Variants in CDKAL1 observed in about 807,000 individuals in gnomAD.
The protein encoded by CDKAL1 is threonylcarbamoyladenosine tRNA methylthiotransferase.
Under a neutral mutation model 68.2 loss-of-function variants are expected in CDKAL1, and 32 were observed. The observed-to-expected ratio is 0.47, with a 90% CI of 0.35 to 0.63. The LOEUF is 0.63. CDKAL1 is among the 30% of genes least tolerant of loss of function. The pLI, the probability that CDKAL1 is intolerant of heterozygous loss-of-function variation, is 0.00. For synonymous variants in CDKAL1, 234 were observed against 244.3 expected (o/e 0.96, Z 0.39); for missense variants, 606 against 696.7 (o/e 0.87, Z 1.47).
At chr6:20,881,951 A>G (rs1165271276) in intron 9 of CDKAL1, among the ~76,000 whole-genome samples, 1 of 152,210 alleles carries the variant, frequency 6.6e-6, no homozygotes, top group Non-Finnish European at 1.5e-5. Flanking sequence ...TATCGCTGCA[A>G]GTACTGGCAA....
intron 5 of CDKAL1, among the ~76,000 whole-genome samples, chr6:20,661,529 T>A (rs1472505432): frequency 1.3e-5 from 2 of 152,126 alleles, no homozygotes; most frequent in Non-Finnish European, 2.9e-5. Context: ...ATGTGATGTA[T>A]GCCAGTGAGC....
chr6:20,637,068 A>G (rs1767942412), intron 4 of CDKAL1, among the ~76,000 whole-genome samples: 1 of 151,610 alleles, frequency 6.6e-6, no homozygotes, highest in Non-Finnish European at 1.5e-5. Context: ...AAGAAAAAAG[A>G]AAGGACTGTT....
intron 8 of CDKAL1, among the ~76,000 whole-genome samples, chr6:20,801,022 GTCC>G (rs1776344377): frequency 6.6e-6 from 1 of 152,172 alleles, no homozygotes; most frequent in Non-Finnish European, 1.5e-5. Flanking sequence ...GGCTCAAGCA[GTCC>G]TCCTATCTGA....
Position 20,585,101 on chromosome 6 carries a change from T to G in CDKAL1, c.286+36396T>G, listed in dbSNP as rs1355181010. Among the ~76,000 whole-genome samples, 5 of 146,670 alleles carry G rather than the reference T, an allele frequency of 3.4e-5. No homozygotes were observed. In the East Asian group the frequency reaches 6.1e-4, roughly 18 times the overall value. ...AGACGGAGTCTCGCTCTGTCGCCCA[T>G]GCTGGAGTGCAGTGACATGATCTCG... On this transcript the variant is annotated intron_variant, in intron 4 of 15. Transcript: ENST00000274695.
chr6:20,961,212 G>A (rs1373551070), intron 10 of CDKAL1, among the ~76,000 whole-genome samples: 3 of 152,078 alleles, frequency 2.0e-5, no homozygotes, highest in African/African-American at 7.3e-5. Flanking sequence ...ACAGTAGACT[G>A]GATAAAGACA....
chr6:21,229,338 G>A lies in CDKAL1; in HGVS notation c.1549-1510G>A, dbSNP rs372363918. On this transcript the variant is annotated intron_variant, in intron 15 of 15. Transcript: ENST00000274695. ...TCAAAAGTCTGTTGTTCCCTCTGCCGTCATCCTGATAGAGGTCCTCATTAT... is the reference window on the plus strand; with the variant it reads ...TCAAAAGTCTGTTGTTCCCTCTGCCATCATCCTGATAGAGGTCCTCATTAT... Among the ~76,000 whole-genome samples, 123 of 152,132 alleles carry A rather than the reference G, an allele frequency of 8.1e-4. No homozygotes were observed. In the Middle Eastern group the frequency reaches 0.01, roughly 13 times the overall value.
chr6:20,621,589 T>G (rs1767193417), intron 4 of CDKAL1, among the ~76,000 whole-genome samples: 1 of 152,174 alleles, frequency 6.6e-6, no homozygotes, highest in African/African-American at 2.4e-5. Context: ...TCTCCTGCAT[T>G]TATTAATTTA....
chr6:21,158,014 T>C (rs561003896), intron 13 of CDKAL1, among the ~76,000 whole-genome samples: 1 of 152,364 alleles, frequency 6.6e-6, no homozygotes, highest in African/African-American at 2.4e-5. Context: ...ATTCTTCACA[T>C]GCATTTGTTT....
intron 12 of CDKAL1, among the ~76,000 whole-genome samples, chr6:21,084,342 T>A (rs530021883): frequency 8.5e-5 from 13 of 152,216 alleles, no homozygotes; most frequent in Non-Finnish European, 8.8e-5. Flanking sequence ...AGGCAGAAAT[T>A]TATTTCATTG....
intron 9 of CDKAL1, among the ~76,000 whole-genome samples, chr6:20,943,941 C>T (rs990343986): frequency 2.0e-5 from 3 of 152,110 alleles, no homozygotes; most frequent in Admixed American, 2.0e-4. Flanking sequence ...AATAAATAAC[C>T]ATAGTCAATA....
chr6:20,565,127 C>A (rs1764409856), intron 4 of CDKAL1, among the ~76,000 whole-genome samples: 1 of 151,632 alleles, frequency 6.6e-6, no homozygotes, highest in African/African-American at 2.4e-5. Flanking sequence ...TTTTTTATCC[C>A]ATCAAAGCTA....
intron 12 of CDKAL1, among the ~76,000 whole-genome samples, chr6:21,089,293 T>C (rs1039914247): frequency 6.6e-6 from 1 of 151,836 alleles, no homozygotes; most frequent in African/African-American, 2.4e-5. Flanking sequence ...CTGGGCAACA[T>C]AGTGAGACCC....
chr6:21,003,371 T>TATATATATATACACAC lies in CDKAL1; in HGVS notation c.1055+3000_1055+3001insTATATATATACACACA. On this transcript the variant is annotated intron_variant, in intron 11 of 15. Transcript: ENST00000274695. The stretch of plus-strand genomic sequence containing the variant: ...ATATATATATATATATATATATATA[T>TATATATATATACACAC]ACACACACACACACACACATATATA... Among the ~76,000 whole-genome samples the TATATATATATACACAC allele has an allele frequency of 3.2e-3, 158 of 49,264 alleles. 1 individual carries two copies. Among genetic ancestry groups the TATATATATATACACAC allele is most frequent in the East Asian group, 9.5e-3 (11 of 1,162 alleles). 32.3% of individuals were successfully genotyped at this position (49,264 alleles called of 152,430 possible).
intron 15 of CDKAL1, among the ~76,000 whole-genome samples, chr6:21,210,403 A>G (rs1779106275): frequency 6.6e-6 from 1 of 152,174 alleles, no homozygotes. Flanking sequence ...ATACTAATGA[A>G]GGCTCCAGAG....
intron 5 of CDKAL1, among the ~76,000 whole-genome samples, chr6:20,710,789 G>A (rs1272435909): frequency 6.6e-6 from 1 of 152,102 alleles, no homozygotes; most frequent in Non-Finnish European, 1.5e-5. Flanking sequence ...ATGCAGTAAT[G>A]GATTATTTTT....
intron 5 of CDKAL1, among the ~76,000 whole-genome samples, chr6:20,675,348 A>C (rs1770040127): frequency 1.3e-5 from 2 of 152,180 alleles, no homozygotes. Context: ...GATGGTTCCT[A>C]TATAAATTTC....
intron 4 of CDKAL1, among the ~76,000 whole-genome samples, chr6:20,596,189 T>C (rs892756516): frequency 6.6e-6 from 1 of 152,190 alleles, no homozygotes; most frequent in African/African-American, 2.4e-5. Context: ...ATTTGAGCAC[T>C]GTTCTGGGAG....
intron 11 of CDKAL1, among the ~76,000 whole-genome samples, chr6:21,056,541 C>T (rs1033516684): frequency 1.3e-5 from 2 of 152,134 alleles, no homozygotes; most frequent in African/African-American, 2.4e-5. Context: ...ATTTTCCTGG[C>T]CAGAACTTCC....
At chr6:20,812,034 A>G (rs991415531) in intron 8 of CDKAL1, among the ~76,000 whole-genome samples, 3 of 152,046 alleles carry the variant, frequency 2.0e-5, no homozygotes, top group African/African-American at 7.2e-5. Context: ...TGGATCCATT[A>G]TTTTATTAAG....
Sources: allele counts gnomAD v4.1 joint callset (sites outside exome capture counted in the v4.1 genomes callset), GRCh38; gene constraint gnomAD v4.1.1; transcripts MANE v1.5; gene names NCBI Gene and HGNC (gene_info 2026-07-23, HGNC 2026-07-21).